The following GAS7 variants were observed in gnomAD, a reference collection of about 807,000 sequenced individuals.
GAS7 encodes growth arrest specific 7, also known as growth arrest-specific protein 7.
A neutral mutation model predicts 71.1 loss-of-function variants in GAS7; 28 were observed. The observed-to-expected ratio is 0.39, with a 90% CI of 0.29 to 0.54. The LOEUF (loss-of-function observed/expected upper bound fraction) is 0.54, where lower values mean the gene tolerates loss of function less well. Ranked by LOEUF, GAS7 falls within the 20% of genes least tolerant of loss-of-function variation. The pLI is 0.62. For synonymous variants in GAS7, 258 were observed against 245.8 expected (o/e 1.05, Z -0.46); for missense variants, 436 against 627.8 (o/e 0.69, Z 3.27).
In GAS7 at chr17:9,952,363, G is replaced by C. The variant is rs942199244; in HGVS notation, c.526-5380C>G. On this transcript the variant is annotated intron_variant, in intron 5 of 13. Transcript: ENST00000432992. ...AGCCCTGCTCTTAAGATCCTACATG[G>C]CAAGTGGGCAAAGGACATGAACAGA... Among the ~76,000 whole-genome samples the C allele has an allele frequency of 3.3e-5, 5 of 151,898 alleles. 1 individual carries two copies. Among genetic ancestry groups the C allele is most frequent in the African/African-American group, 1.2e-4 (5 of 41,376 alleles).
At chr17:10,126,787 C>G (rs1393946591) in intron 1 of GAS7, among the ~76,000 whole-genome samples, 2 of 152,238 alleles carry the variant, frequency 1.3e-5, no homozygotes, top group African/African-American at 4.8e-5. Flanking sequence ...TGCTCCGGAA[C>G]CAAGCCGGCT....
At chr17:10,141,749 T>C (rs1487933528) in intron 1 of GAS7, among the ~76,000 whole-genome samples, 1 of 152,292 alleles carries the variant, frequency 6.6e-6, no homozygotes, top group Middle Eastern at 3.4e-3. Context: ...ACCTTTAAAA[T>C]GTGTATGATA....
rs529928080 is a variant in GAS7 at position 9,959,747 on chromosome 17, T to C, written c.472-492A>G. ...CAATGTGCACTGGGGCGCTGCTCGG[T>C]CACCTCCCTGACTCCCCGCTCCCCC... On this transcript the variant is annotated intron_variant, in intron 4 of 13. Transcript: ENST00000432992. The surrounding 1 kb of genome is among the most constrained non-coding windows in gnomAD (Gnocchi z 5.0). Among the ~76,000 whole-genome samples, 40 of 152,168 alleles carry C rather than the reference T, an allele frequency of 2.6e-4. 2 individuals carry two copies. Among genetic ancestry groups the C allele is most frequent in the African/African-American group, 8.7e-4 (36 of 41,508 alleles).
chr17:9,982,586 G>A (rs2070450156), intron 2 of GAS7, among the ~76,000 whole-genome samples: 1 of 152,028 alleles, frequency 6.6e-6, no homozygotes, highest in African/African-American at 2.4e-5. Flanking sequence ...AGACCGGCCT[G>A]GCCAACATGG....
chr17:10,195,975 C>G (rs1385821139), intron 1 of GAS7, among the ~76,000 whole-genome samples: 1 of 152,114 alleles, frequency 6.6e-6, no homozygotes, highest in Non-Finnish European at 1.5e-5. Flanking sequence ...TGGGAAGACC[C>G]CCAGCTGGTT....
intron 1 of GAS7, among the ~76,000 whole-genome samples, chr17:10,164,227 G>C (rs1370350570): frequency 6.6e-6 from 1 of 152,014 alleles, no homozygotes; most frequent in African/African-American, 2.4e-5. Context: ...CAGATCACAA[G>C]GTCAAGAGAT....
intron 1 of GAS7, among the ~76,000 whole-genome samples, chr17:10,044,420 A>G (rs1488649323): frequency 6.6e-6 from 1 of 152,200 alleles, no homozygotes; most frequent in Non-Finnish European, 1.5e-5. Flanking sequence ...TATGATTAAT[A>G]CTACATCTTT....
intron 2 of GAS7, among the ~76,000 whole-genome samples, chr17:9,986,667 C>G (rs886195111): frequency 2.6e-5 from 4 of 152,164 alleles, no homozygotes; most frequent in Non-Finnish European, 5.9e-5. Context: ...ATGGGAGGCC[C>G]CTTTCCCTGC....
intron 2 of GAS7, among the ~76,000 whole-genome samples, chr17:10,005,042 C>CATATAT (rs370673273): frequency 0.13 from 18,399 of 144,814 alleles, 1,485 homozygotes; most frequent in African/African-American, 0.24. Flanking sequence ...TATATACATA[C>CATATAT]ATATATATAC....
chr17:10,006,447 A>G (rs1210553655), intron 2 of GAS7, among the ~76,000 whole-genome samples: 2 of 145,912 alleles, frequency 1.4e-5, no homozygotes, highest in Non-Finnish European at 3.0e-5. Context: ...CTCCTGCCTC[A>G]GCCTCCCGAG....
chr17:9,968,479 G>T (rs1026096406), intron 4 of GAS7, among the ~76,000 whole-genome samples: 9 of 152,150 alleles, frequency 5.9e-5, no homozygotes, highest in African/African-American at 1.9e-4. Context: ...ATACACTGAG[G>T]TTCAAATTCT....
intron 1 of GAS7, among the ~76,000 whole-genome samples, chr17:10,181,974 T>C (rs2074420272): frequency 6.6e-6 from 1 of 152,204 alleles, no homozygotes; most frequent in African/African-American, 2.4e-5. Context: ...GCCATGGCAA[T>C]GACTGGAAGT....
intron 1 of GAS7, among the ~76,000 whole-genome samples, chr17:10,158,308 C>T (rs1338839855): frequency 5.4e-5 from 8 of 147,830 alleles, no homozygotes; most frequent in Non-Finnish European, 4.5e-5. Flanking sequence ...CCACCGCACC[C>T]GGCCAATCCT....
chr17:10,197,472 T>C (rs557506501), intron 1 of GAS7, among the ~76,000 whole-genome samples: 5 of 152,326 alleles, frequency 3.3e-5, no homozygotes, highest in South Asian at 2.1e-4. Flanking sequence ...GCTCAGTGAT[T>C]AGAGGACAGC....
intron 2 of GAS7, among the ~76,000 whole-genome samples, chr17:10,014,144 C>G (rs1433262713): frequency 1.3e-5 from 2 of 152,216 alleles, no homozygotes; most frequent in African/African-American, 4.8e-5. Context: ...TTCTTCCTAA[C>G]CTGTTCCTCC....
intron 1 of GAS7, among the ~76,000 whole-genome samples, chr17:10,173,370 C>CG (rs1189559565): frequency 6.6e-6 from 1 of 151,056 alleles, no homozygotes; most frequent in East Asian, 1.9e-4. Context: ...GAAGGGGAGG[C>CG]GGGGAAGAGG....
chr17:9,941,514 G>A (rs2068602831), intron 7 of GAS7, among the ~76,000 whole-genome samples: 1 of 152,216 alleles, frequency 6.6e-6, no homozygotes, highest in Non-Finnish European at 1.5e-5. Flanking sequence ...AGCCAGGCGA[G>A]CTCCCAATTC....
At chr17:10,083,165 T>A (rs1273240468) in intron 1 of GAS7, among the ~76,000 whole-genome samples, 2 of 152,254 alleles carry the variant, frequency 1.3e-5, no homozygotes, top group Non-Finnish European at 2.9e-5. Context: ...ATTTTAAAAA[T>A]ACGAATGGCA....
At chr17:10,177,308 C>G (rs150293191) in intron 1 of GAS7, among the ~76,000 whole-genome samples, 1 of 152,064 alleles carries the variant, frequency 6.6e-6, no homozygotes, top group Non-Finnish European at 1.5e-5. Flanking sequence ...GGTTGCTTCC[C>G]GCTCCCCAGG....
Sources: gnomAD v4.1 joint callset for allele counts (sites outside exome capture counted in the v4.1 genomes callset) on GRCh38, gnomAD v4.1.1 for gene constraint, Gnocchi (gnomAD v3.1) non-coding constraint, MANE v1.5 for transcripts, NCBI Gene and HGNC (gene_info 2026-07-23, HGNC 2026-07-21) for gene names.